Variants in UMPS observed in about 807,000 individuals in gnomAD.
UMPS encodes the protein uridine monophosphate synthetase.
Under a neutral mutation model 38.9 loss-of-function variants are expected in UMPS, and 21 were observed. The observed-to-expected ratio is 0.54, with a 90% CI of 0.38 to 0.78. The LOEUF is 0.78. Among genes scored for constraint, UMPS ranks in the 30% least tolerant of loss-of-function variants. The pLI is 0.00. For missense variants in UMPS, 533 were observed against 591.6 expected (o/e 0.90, Z 1.03); for synonymous variants, 208 against 219.3 (o/e 0.95, Z 0.45).
chr3:124,733,401 C>A, intron 1 of UMPS: 1 of 171,672 alleles, frequency 5.8e-6, no homozygotes, highest in East Asian at 1.4e-4. Flanking sequence ...CTCTTCAGTC[C>A]TTAAGGATTC....
chr3:124,743,499 G>A (rs11719616), intron 5 of UMPS, among the ~76,000 whole-genome samples: 2,099 of 151,556 alleles, frequency 0.014, 37 homozygotes, highest in East Asian at 0.055. Context: ...TTAGCCAGGC[G>A]TGGTGGCAGG....
rs753854568 is a variant in UMPS at position 124,737,979 on chromosome 3, C to T, written c.722C>T (p.Ser241Leu). Residue 241 changes from serine to leucine, a missense_variant, in exon 3 of 6, where the codon TCG becomes TTG. Physicochemically the swap from Ser to Leu is moderately radical, Grantham distance 145 (BLOSUM62 -2). Coordinates refer to ENST00000232607, the MANE Select transcript of UMPS (RefSeq NM_000373.4). ...AELPRIHPVA[S>L]KLLRLMQKKE... ...CTGCCCAGGATCCACCCAGTTGCATCGAAGCTTCTCAGGCTTATGCAAAAG... is the reference window on the plus strand; with the variant it reads ...CTGCCCAGGATCCACCCAGTTGCATTGAAGCTTCTCAGGCTTATGCAAAAG... 14 of 1,614,146 alleles carry T rather than the reference C, an allele frequency of 8.7e-6. No homozygotes were observed. Among genetic ancestry groups the T allele is most frequent in the East Asian group, 6.7e-5 (3 of 44,890 alleles).
At position 124,744,312 on chromosome 3, in the gene UMPS, C is replaced by CTGG. The variant is rs1281252073; in HGVS notation, c.*231_*233dup. The CTGG allele has an allele frequency of 8.2e-6, 5 of 608,298 alleles. No homozygotes were observed. The highest frequency in any genetic ancestry group is 1.5e-5 in the Non-Finnish European group (5 of 331,276). 37.7% of individuals were successfully genotyped at this position (608,298 alleles called of 1,614,324 possible). A position where few individuals can be genotyped will look rare whatever the true frequency, so the allele number is the denominator to read the frequency against. ...ATTCTTAAGCTTGCTTTTTTTGAGA[C>CTGG]TGGTGTTTGTTAGACAGCCACAGTC... On this transcript the variant is annotated 3_prime_UTR_variant, in exon 6 of 6. Transcript: ENST00000232607.
Position 124,745,137 on chromosome 3 carries a change from T to A in UMPS, c.*1053T>A. On this transcript the variant is annotated 3_prime_UTR_variant, in exon 6 of 6. Coordinates refer to ENST00000232607, the MANE Select transcript of UMPS (RefSeq NM_000373.4). ...GGATCCCACATAATTGTCCCAACGG[T>A]CATTAGTAGAGGGGAGGTAAGCCTT... 1 of 454,064 alleles carries A rather than the reference T, an allele frequency of 2.2e-6. No homozygotes were observed. The highest frequency in any genetic ancestry group is 4.4e-6 in the Non-Finnish European group (1 of 226,790). 28.1% of individuals were successfully genotyped at this position (454,064 alleles called of 1,614,324 possible). A position where few individuals can be genotyped will look rare whatever the true frequency, so the allele number is the denominator to read the frequency against.
rs377329530 is a variant in UMPS, at chr3:124,730,611, C to A, written c.140C>A (p.Pro47Gln). ...GATCTGCGGGGCATCGTGTCTCGACCGCGTCTTCTGAGTCAGGTGCTGGCC... is the reference window on the plus strand; with the variant it reads ...GATCTGCGGGGCATCGTGTCTCGACAGCGTCTTCTGAGTCAGGTGCTGGCC... ...YIDLRGIVSRPRLLSQVADIL... is the reference protein window; with the variant it reads ...YIDLRGIVSRQRLLSQVADIL... The change falls in exon 1 of 6, where the codon CCG becomes CAG. Residue 47 changes from proline to glutamine, a missense_variant. By Grantham distance (76) the Pro-to-Gln change is moderately conservative. Coordinates refer to ENST00000232607, the MANE Select transcript of UMPS (RefSeq NM_000373.4). 2 of 1,611,496 alleles carry A rather than the reference C, an allele frequency of 1.2e-6. No homozygotes were observed. The highest frequency in any genetic ancestry group is 1.3e-5 in the African/African-American group (1 of 74,866).
rs759044969 is a variant in UMPS at position 124,737,980 on chromosome 3, G to A, written c.723G>A (p.Ser241=). ...TGCCCAGGATCCACCCAGTTGCATCGAAGCTTCTCAGGCTTATGCAAAAGA... is the reference window on the plus strand; with the variant it reads ...TGCCCAGGATCCACCCAGTTGCATCAAAGCTTCTCAGGCTTATGCAAAAGA... ...AELPRIHPVA[S]KLLRLMQKKE... The change falls in exon 3 of 6, where the codon TCG becomes TCA. Residue 241 remains serine, a synonymous_variant. Transcript: ENST00000232607. 1.2e-5 allele frequency: 19 copies of A among 1,614,040 alleles called. No individual in the cohort carries two copies. The East Asian group carries it at 1.3e-4, about 11-fold the overall frequency.
chr3:124,741,859 T>C (rs1010907171), intron 4 of UMPS, among the ~76,000 whole-genome samples: 2 of 152,088 alleles, frequency 1.3e-5, no homozygotes, highest in African/African-American at 4.8e-5. Flanking sequence ...GTTTCAGATA[T>C]AGTAACTTTA....
intron 1 of UMPS, among the ~76,000 whole-genome samples, chr3:124,734,003 C>T (rs2063499106): frequency 1.3e-5 from 2 of 152,018 alleles, no homozygotes; most frequent in South Asian, 4.1e-4. Context: ...TTTTCATAGT[C>T]CAGCAATTTC....
rs371695584 is a variant in UMPS, at chr3:124,738,042, T to G, written c.785T>G (p.Leu262Arg). 16 of 1,614,134 alleles carry G rather than the reference T, an allele frequency of 9.9e-6. No homozygotes were observed. The highest frequency in any genetic ancestry group is 1.4e-5 in the Non-Finnish European group (16 of 1,180,042). ...CTGTGTCTATCTGCTGATGTTTCACTGGCCAGAGAGCTGTTGCAGCTAGCA... is the reference window on the plus strand; with the variant it reads ...CTGTGTCTATCTGCTGATGTTTCACGGGCCAGAGAGCTGTTGCAGCTAGCA... ...TNLCLSADVS[L>R]ARELLQLADA... The change falls in exon 3 of 6, where the codon CTG (leucine) becomes CGG (arginine). Residue 262 changes from leucine to arginine, a missense_variant. Coordinates refer to ENST00000232607, the MANE Select transcript of UMPS (RefSeq NM_000373.4).
chr3:124,743,669 A>C (rs1225374433), intron 5 of UMPS, among the ~76,000 whole-genome samples: 3 of 151,852 alleles, frequency 2.0e-5, no homozygotes, highest in African/African-American at 7.2e-5. Flanking sequence ...TAAATAAATA[A>C]ATAAATAAAT....
At chr3:124,741,205 G>A (rs1404520939) in intron 4 of UMPS, among the ~76,000 whole-genome samples, 3 of 152,148 alleles carry the variant, frequency 2.0e-5, no homozygotes, top group Non-Finnish European at 4.4e-5. Flanking sequence ...GGCATTCTGG[G>A]AGTCTGGGTC....
At chr3:124,735,775 A>G (rs141328706) in intron 2 of UMPS, among the ~76,000 whole-genome samples, 3 of 151,838 alleles carry the variant, frequency 2.0e-5, no homozygotes, top group Non-Finnish European at 4.4e-5. Flanking sequence ...TCAGGAGTTC[A>G]AGACCAGCCT....
chr3:124,730,853 A>G (rs929007167), intron 1 of UMPS, among the ~76,000 whole-genome samples: 3 of 152,284 alleles, frequency 2.0e-5, no homozygotes, highest in Non-Finnish European at 4.4e-5. Flanking sequence ...CGTGTTTTGC[A>G]AAAGTCGGGA....
At position 124,742,476 on chromosome 3, in the gene UMPS, G is replaced by C. The variant is rs77260517; in HGVS notation, c.1273+210G>C. ...TGTCTGTAAAATGGGGATGATAACA[G>C]TATTGACCTCATAAGGTAATCAAGA... On this transcript the variant is annotated intron_variant, in intron 5 of 5. Coordinates refer to ENST00000232607, the MANE Select transcript of UMPS (RefSeq NM_000373.4). 1.4e-3 allele frequency: 847 copies of C among 588,588 alleles called. 6 individuals carry two copies. In the East Asian group the frequency reaches 0.023, roughly 16 times the overall value. 36.5% of individuals were successfully genotyped at this position (588,588 alleles called of 1,614,324 possible).
chr3:124,734,759 G>A (rs1446027027), intron 1 of UMPS, among the ~76,000 whole-genome samples: 2 of 152,120 alleles, frequency 1.3e-5, no homozygotes, highest in Admixed American at 6.5e-5. Flanking sequence ...AGTGGCTCAC[G>A]CCTGTAATCC....
chr3:124,747,165 C>T lies in UMPS; in HGVS notation c.*3081C>T, dbSNP rs770167115. ...AGAGCCTCTCGAGTGGCTGGAACTA[C>T]AGGCGTGCACCACCACAGCTGGTTA... On this transcript the variant is annotated 3_prime_UTR_variant, in exon 6 of 6. Coordinates refer to ENST00000232607, the MANE Select transcript of UMPS (RefSeq NM_000373.4). 1 of 453,826 alleles carries T rather than the reference C, an allele frequency of 2.2e-6. No homozygotes were observed. The highest frequency in any genetic ancestry group is 4.4e-6 in the Non-Finnish European group (1 of 226,694). The allele number at this position is 453,826 out of a possible 1,614,324, so 28.1% of individuals were successfully genotyped here. A position where few individuals can be genotyped will look rare whatever the true frequency, so the allele number is the denominator to read the frequency against.
Position 124,730,553 on chromosome 3 carries a change from C to T in UMPS, c.82C>T (p.Leu28=). 6.2e-7 allele frequency: 1 copy of T among 1,614,004 alleles called. No individual in the cohort carries two copies. Among genetic ancestry groups the T allele is most frequent in the Non-Finnish European group, 8.5e-7 (1 of 1,179,892 alleles). ...VQAFKFGDFV[L]KSGLSSPIYI... is the part of the protein sequence containing the mutation. ...GGCTTTCAAGTTTGGGGACTTCGTG[C>T]TGAAGAGCGGGCTTTCCTCCCCCAT... Residue 28 remains leucine, a synonymous_variant, in exon 1 of 6, where the codon CTG becomes TTG. Coordinates refer to ENST00000232607, the MANE Select transcript of UMPS (RefSeq NM_000373.4).
chr3:124,734,486 G>T (rs1225501413), intron 1 of UMPS, among the ~76,000 whole-genome samples: 1 of 152,192 alleles, frequency 6.6e-6, no homozygotes, highest in African/African-American at 2.4e-5. Context: ...ATCGTCCTTA[G>T]TCTTTGGGGT....
intron 3 of UMPS, among the ~76,000 whole-genome samples, chr3:124,738,893 CTG>C (rs1428692746): frequency 6.6e-6 from 1 of 152,208 alleles, no homozygotes; most frequent in Non-Finnish European, 1.5e-5. Flanking sequence ...GTTTTTACAA[CTG>C]TGTGATCAGA....
Sources: gnomAD v4.1 joint callset for allele counts (sites outside exome capture counted in the v4.1 genomes callset) on GRCh38, gnomAD v4.1.1 for gene constraint, MANE v1.5 for transcripts, NCBI Gene and HGNC (gene_info 2026-07-23, HGNC 2026-07-21) for gene names.